Variants in RFC3 observed in about 807,000 individuals in gnomAD.
RFC3 encodes the protein replication factor C subunit 3.
A neutral mutation model predicts 45.1 loss-of-function variants in RFC3; 41 were observed. The observed-to-expected ratio is 0.91, with a 90% CI of 0.71 to 1.18. RFC3 has a LOEUF of 1.18. Ranked by LOEUF, RFC3 falls within the 50% of genes most tolerant of loss-of-function variation. The pLI is 0.00. For missense variants in RFC3, 423 were observed against 428.1 expected (o/e 0.99, Z 0.10); for synonymous variants, 149 against 144.0 (o/e 1.03, Z -0.25).
chr13:33,876,025 A>G (rs1040038402), intron 8 of RFC3, among the ~76,000 whole-genome samples: 1 of 152,192 alleles, frequency 6.6e-6, no homozygotes, highest in Non-Finnish European at 1.5e-5. Flanking sequence ...AGCGTTAACT[A>G]CTGATATCCG....
intron 8 of RFC3, among the ~76,000 whole-genome samples, chr13:33,851,219 AT>A (rs1051358573): frequency 6.1e-5 from 9 of 148,672 alleles, no homozygotes; most frequent in South Asian, 4.2e-4. Context: ...AAATCTACTA[AT>A]TTTTCTCTAC....
intron 1 of RFC3, 70 bp from the exon 2 acceptor site, chr13:33,821,062 A>G: frequency 6.8e-7 from 1 of 1,478,130 alleles, no homozygotes; most frequent in Non-Finnish European, 9.2e-7. Context: ...TTGTTACTTA[A>G]AAAGTAGTTT....
chr13:33,938,247 A>G (rs1284530433), intron 8 of RFC3, among the ~76,000 whole-genome samples: 1 of 151,638 alleles, frequency 6.6e-6, no homozygotes, highest in Non-Finnish European at 1.5e-5. Context: ...AAGCAATGAA[A>G]TATAAAGTAA....
chr13:33,860,712 A>G (rs562033375), intron 8 of RFC3, among the ~76,000 whole-genome samples: 147 of 152,332 alleles, frequency 9.6e-4, no homozygotes, highest in African/African-American at 3.4e-3. Context: ...TGTCTGCAGC[A>G]TGAGTCCCTG....
At chr13:33,885,751 T>C (rs2082517069) in intron 8 of RFC3, among the ~76,000 whole-genome samples, 1 of 152,208 alleles carries the variant, frequency 6.6e-6, no homozygotes, top group Non-Finnish European at 1.5e-5. Context: ...TTAGTGTTTG[T>C]CAGAATGTTT....
At chr13:33,925,173 TATAC>T (rs201057317) in intron 8 of RFC3, among the ~76,000 whole-genome samples, 1,932 of 142,756 alleles carry the variant, frequency 0.014, 51 homozygotes, top group African/African-American at 0.05. Context: ...TAGTGTACTA[TATAC>T]ATACACATAT....
intron 8 of RFC3, among the ~76,000 whole-genome samples, chr13:33,918,454 A>G (rs2082746875): frequency 1.3e-5 from 2 of 152,132 alleles, no homozygotes; most frequent in Admixed American, 6.6e-5. Flanking sequence ...CACATGTAAC[A>G]TAATACCTTC....
chr13:33,845,772 A>G (rs2082232694), intron 8 of RFC3, among the ~76,000 whole-genome samples: 1 of 152,228 alleles, frequency 6.6e-6, no homozygotes, highest in Non-Finnish European at 1.5e-5. Context: ...TGGACTGGTC[A>G]CTGATACCTT....
At chr13:33,945,731 A>G (rs1411516909) in intron 8 of RFC3, among the ~76,000 whole-genome samples, 1 of 152,226 alleles carries the variant, frequency 6.6e-6, no homozygotes, top group Non-Finnish European at 1.5e-5. Flanking sequence ...GGTTTCAACT[A>G]GTTCACGCTC....
intron 8 of RFC3, among the ~76,000 whole-genome samples, chr13:33,935,420 A>G (rs1054829521): frequency 2.6e-5 from 4 of 152,200 alleles, no homozygotes; most frequent in African/African-American, 9.6e-5. Context: ...AGATTGGATG[A>G]AATTAAATAG....
intron 8 of RFC3, among the ~76,000 whole-genome samples, chr13:33,916,526 A>G (rs1390217860): frequency 6.6e-6 from 1 of 152,110 alleles, no homozygotes; most frequent in African/African-American, 2.4e-5. Context: ...CTGGGTTTCA[A>G]CTAGATGAAA....
At chr13:33,824,376 C>G (rs1167711243) in intron 3 of RFC3, among the ~76,000 whole-genome samples, 1 of 152,100 alleles carries the variant, frequency 6.6e-6, no homozygotes, top group African/African-American at 2.4e-5. Context: ...TTCTTTGTCA[C>G]TCTCTTTGTT....
At chr13:33,946,032 G>A (rs755199629) in intron 8 of RFC3, among the ~76,000 whole-genome samples, 3 of 151,992 alleles carry the variant, frequency 2.0e-5, no homozygotes, top group Admixed American at 1.3e-4. Flanking sequence ...CTGCTCTGTC[G>A]GCCTAGGAAA....
intron 8 of RFC3, among the ~76,000 whole-genome samples, chr13:33,959,438 A>G (rs2083042403): frequency 6.6e-6 from 1 of 152,154 alleles, no homozygotes; most frequent in South Asian, 2.1e-4. Context: ...CAAAGACTTC[A>G]TAGCTCCTGG....
At chr13:33,969,620 A>C (rs1213828907), downstream of RFC3, among the ~76,000 whole-genome samples, 2 of 152,196 alleles carry the variant, frequency 1.3e-5, no homozygotes, top group Non-Finnish European at 2.9e-5. Context: ...GAGGGCTGAG[A>C]GTGATGTTCT....
At position 33,830,710 on chromosome 13, in the gene RFC3, TA is replaced by T. The variant is rs773884202; in HGVS notation, c.574-8del. On this transcript the variant is annotated splice_region_variant and splice_polypyrimidine_tract_variant and intron_variant, in intron 5 of 8. Transcript: ENST00000380071. ...ATGGATTGCCCATTTTTGTTAATTT[TA>T]TTTGTAGATTTGCCACGTGTTATCT... 1.5e-5 allele frequency: 24 copies of T among 1,596,472 alleles called. No homozygotes were observed. The South Asian group carries it at 2.1e-4, about 14-fold the overall frequency.
At chr13:33,967,632 C>T (rs1266732825), downstream of RFC3, among the ~76,000 whole-genome samples, 2 of 151,334 alleles carry the variant, frequency 1.3e-5, no homozygotes, top group East Asian at 2.0e-4. Context: ...GGATTACAGG[C>T]ACACACCACC....
intron 8 of RFC3, among the ~76,000 whole-genome samples, chr13:33,945,830 C>T (rs1266903077): frequency 6.6e-6 from 1 of 152,220 alleles, no homozygotes; most frequent in Non-Finnish European, 1.5e-5. Context: ...CACCTTCTTC[C>T]TACTACCTGC....
At chr13:33,923,875 T>C (rs2082785011) in intron 8 of RFC3, among the ~76,000 whole-genome samples, 1 of 152,156 alleles carries the variant, frequency 6.6e-6, no homozygotes, top group Admixed American at 6.5e-5. Context: ...GTGTCTGTGG[T>C]ACACATTAGG....
Sources: gnomAD v4.1 joint callset for allele counts (sites outside exome capture counted in the v4.1 genomes callset) on GRCh38, gnomAD v4.1.1 for gene constraint, MANE v1.5 for transcripts, NCBI Gene and HGNC (gene_info 2026-07-23, HGNC 2026-07-21) for gene names.